The following CGNL1 variants were observed in gnomAD, a reference collection of about 807,000 sequenced individuals.
CGNL1 encodes the protein cingulin-like protein 1.
Under a neutral mutation model 141.2 loss-of-function variants are expected in CGNL1, and 132 were observed. The ratio of observed to expected loss-of-function variants is 0.93; its 90% confidence interval spans 0.81 to 1.08. CGNL1 has a LOEUF of 1.08. CGNL1 is among the 50% of genes least tolerant of loss of function. CGNL1 has a pLI of 0.00. For missense variants in CGNL1, 1,870 were observed against 1,588.6 expected (o/e 1.18, Z -3.01); for synonymous variants, 690 against 622.1 (o/e 1.11, Z -1.63).
At chr15:57,400,909 AAAGG>A (rs1277027821) in intron 1 of CGNL1, among the ~76,000 whole-genome samples, 1 of 151,142 alleles carries the variant, frequency 6.6e-6, no homozygotes, top group Non-Finnish European at 1.5e-5. Context: ...AAAAAAAAAA[AAAGG>A]CATGTTTGCA....
intron 8 of CGNL1, among the ~76,000 whole-genome samples, chr15:57,470,257 T>TC (rs71717780): frequency 3.3e-3 from 22 of 6,740 alleles, no homozygotes; most frequent in African/African-American, 0.027. Context: ...TTTGTCTCTC[T>TC]TTTTTTTTTT....
intron 9 of CGNL1, among the ~76,000 whole-genome samples, chr15:57,518,141 AAAAAAAT>A (rs147081382): frequency 0.13 from 19,356 of 152,088 alleles, 1,822 homozygotes; most frequent in East Asian, 0.46. Context: ...CCCTGTCTCT[AAAAAAAT>A]AAAAAATAAA....
Position 57,438,254 on chromosome 15 carries a change from T to G in CGNL1, c.255T>G (p.Pro85=), listed in dbSNP as rs1389816875. 16 of 1,614,046 alleles carry G rather than the reference T, an allele frequency of 9.9e-6. No homozygotes were observed. Among genetic ancestry groups the G allele is most frequent in the Non-Finnish European group, 1.3e-5 (15 of 1,180,038 alleles). The change falls in exon 2 of 19, where the codon CCT becomes CCG. Residue 85 remains proline (P), a synonymous_variant. Transcript: ENST00000281282. ...PFPPPVINNL[P]LHSSNGSVPK... ...CACCTCCAGTGATAAATAACCTGCCTCTACATTCCAGCAATGGTTCTGTGC... is the reference window on the plus strand; with the variant it reads ...CACCTCCAGTGATAAATAACCTGCCGCTACATTCCAGCAATGGTTCTGTGC...
intron 1 of CGNL1, among the ~76,000 whole-genome samples, chr15:57,396,050 T>G (rs2062598510): frequency 1.3e-5 from 2 of 152,182 alleles, no homozygotes; most frequent in South Asian, 4.1e-4. Context: ...GTATTTGGCT[T>G]TTTTTACTTA....
chr15:57,493,650 T>C, intron 8 of CGNL1, among the ~76,000 whole-genome samples: 1 of 152,330 alleles, frequency 6.6e-6, no homozygotes, highest in South Asian at 2.1e-4. Context: ...GACTTCTGGA[T>C]GATCGTAAGC....
chr15:57,534,516 C>G (rs1253200476), intron 14 of CGNL1, among the ~76,000 whole-genome samples: 1 of 152,166 alleles, frequency 6.6e-6, no homozygotes, highest in Non-Finnish European at 1.5e-5. Flanking sequence ...TATTTCCTGC[C>G]TCTTGAAATG....
At chr15:57,505,113 C>T (rs2064083431) in intron 8 of CGNL1, among the ~76,000 whole-genome samples, 1 of 152,086 alleles carries the variant, frequency 6.6e-6, no homozygotes, top group African/African-American at 2.4e-5. Flanking sequence ...AACAATTGCT[C>T]TAAGAGGACG....
intron 8 of CGNL1, among the ~76,000 whole-genome samples, chr15:57,496,495 C>T (rs893586275): frequency 2.0e-5 from 3 of 152,094 alleles, no homozygotes; most frequent in African/African-American, 7.2e-5. Flanking sequence ...ATGGTTTAGT[C>T]CTGAAACCAT....
At chr15:57,468,559 C>CGTGTGT (rs67758921) in intron 8 of CGNL1, among the ~76,000 whole-genome samples, 2,013 of 145,944 alleles carry the variant, frequency 0.014, 40 homozygotes, top group African/African-American at 0.047. Context: ...AAAAAGTTTG[C>CGTGTGT]GTGTGTGTGT....
intron 12 of CGNL1, 93 bp downstream of exon 12, chr15:57,524,844 G>T: frequency 7.8e-7 from 1 of 1,285,824 alleles, no homozygotes; most frequent in South Asian, 1.5e-5. Context: ...GGGTAGATTC[G>T]TGAGACAGCT....
chr15:57,403,918 C>G lies in CGNL1; in HGVS notation c.-16+27351C>G, dbSNP rs567046681. ...CCCAGAGCCTAGTTGCCTCCCCTGA[C>G]CCCCTCCAAGCCTTCCATAGAGGAA... is the stretch of plus-strand genomic sequence containing the variant. On this transcript the variant is annotated intron_variant, in intron 1 of 18. Coordinates refer to ENST00000281282, the MANE Select transcript of CGNL1 (RefSeq NM_032866.5). Among the ~76,000 whole-genome samples the G allele has an allele frequency of 1.1e-3, 168 of 152,320 alleles. 1 individual carries two copies. Among genetic ancestry groups the G allele is most frequent in the Non-Finnish European group, 8.7e-4 (59 of 68,024 alleles).
At chr15:57,528,935 C>A in intron 13 of CGNL1, 120 bp downstream of exon 13, 2 of 1,049,330 alleles carry the variant, frequency 1.9e-6, no homozygotes, top group Non-Finnish European at 1.4e-6. Flanking sequence ...TATTCTCTCC[C>A]ACAGCTGGGT....
chr15:57,511,747 G>A (rs1441715436), intron 8 of CGNL1, among the ~76,000 whole-genome samples: 1 of 152,186 alleles, frequency 6.6e-6, no homozygotes, highest in South Asian at 2.1e-4. Flanking sequence ...TGCCTTTGTG[G>A]TGATGAATCT....
At chr15:57,512,442 C>T (rs760789492) in intron 8 of CGNL1, among the ~76,000 whole-genome samples, 20 of 151,998 alleles carry the variant, frequency 1.3e-4, no homozygotes, top group Non-Finnish European at 2.5e-4. Flanking sequence ...CTAACATAGG[C>T]TCATGTTAAA....
At chr15:57,485,297 G>C (rs2063772589) in intron 8 of CGNL1, among the ~76,000 whole-genome samples, 1 of 152,050 alleles carries the variant, frequency 6.6e-6, no homozygotes, top group African/African-American at 2.4e-5. Context: ...TACATTTGTT[G>C]AGGTTTGTTT....
intron 8 of CGNL1, among the ~76,000 whole-genome samples, chr15:57,513,932 A>G (rs1378080241): frequency 6.6e-6 from 1 of 152,168 alleles, no homozygotes; most frequent in African/African-American, 2.4e-5. Context: ...AAGTAGCTGC[A>G]CCATTTTACA....
chr15:57,397,922 A>G (rs1020193740), intron 1 of CGNL1, among the ~76,000 whole-genome samples: 10 of 152,114 alleles, frequency 6.6e-5, no homozygotes, highest in Admixed American at 6.6e-4. Context: ...AGCTGGGATT[A>G]TAGGTGCGTG....
Position 57,405,828 on chromosome 15 carries a change from T to TTC in CGNL1, c.-16+29262_-16+29263insCT, listed in dbSNP as rs1555431030. The TTC allele has an allele frequency of 3.1e-3, 290 of 92,850 alleles. 1 individual carries two copies. The highest frequency in any genetic ancestry group is 0.012 in the African/African-American group (269 of 23,318). The allele number at this position is 92,850 out of a possible 1,614,324, so 5.8% of individuals were successfully genotyped here. On this transcript the variant is annotated intron_variant, in intron 1 of 18. Coordinates refer to ENST00000281282, the MANE Select transcript of CGNL1 (RefSeq NM_032866.5). ...TTTCTTTCCTTCTTTCTTTCTTTCT[T>TTC]TTTCTTTCTTTTCTTTTTCTTTCTT...
chr15:57,429,888 C>T (rs2063023553), intron 1 of CGNL1, among the ~76,000 whole-genome samples: 1 of 152,202 alleles, frequency 6.6e-6, no homozygotes, highest in Non-Finnish European at 1.5e-5. Flanking sequence ...TAGCTCCCTG[C>T]AGCCTTGACC....
Sources: allele counts gnomAD v4.1 joint callset (sites outside exome capture counted in the v4.1 genomes callset), GRCh38; gene constraint gnomAD v4.1.1; transcripts MANE v1.5; gene names NCBI Gene and HGNC (gene_info 2026-07-23, HGNC 2026-07-21).